The following SPOCK1 variants were observed in gnomAD, a reference collection of about 807,000 sequenced individuals.
The protein encoded by SPOCK1 is testican-1.
In SPOCK1, 23 loss-of-function variants were observed where a neutral mutation model predicts 55.3. That is an observed-to-expected ratio of 0.42 (90% confidence interval 0.30 to 0.59). SPOCK1 has a LOEUF of 0.59. Among genes scored for constraint, SPOCK1 ranks in the 20% least tolerant of loss-of-function variants. SPOCK1 has a pLI of 0.22. For missense variants in SPOCK1, 499 were observed against 552.5 expected, an observed-to-expected ratio of 0.90 and a Z score of 0.97; for synonymous variants, 226 against 221.0, an observed-to-expected ratio of 1.02 and a Z score of -0.20.
intron 2 of SPOCK1, among the ~76,000 whole-genome samples, chr5:137,308,614 C>T (rs1286316973): frequency 6.6e-6 from 1 of 152,200 alleles, no homozygotes; most frequent in Non-Finnish European, 1.5e-5. Context: ...CTGCCTCCTC[C>T]CGTGTGACCC....
intron 5 of SPOCK1, among the ~76,000 whole-genome samples, chr5:137,107,244 A>G (rs186246574): frequency 6.6e-6 from 1 of 152,334 alleles, no homozygotes; most frequent in Admixed American, 6.5e-5. Context: ...AGTATTTAAC[A>G]CAGTGTATGG....
intron 2 of SPOCK1, among the ~76,000 whole-genome samples, chr5:137,437,292 C>G (rs116287623): frequency 0.015 from 2,225 of 152,270 alleles, 58 homozygotes; most frequent in African/African-American, 0.051. Flanking sequence ...ACAGAGATAT[C>G]TCTTCATGAA....
intron 2 of SPOCK1, among the ~76,000 whole-genome samples, chr5:137,438,859 C>T (rs1260031810): frequency 1.3e-5 from 2 of 152,102 alleles, no homozygotes; most frequent in East Asian, 3.8e-4. Flanking sequence ...TTAAGTTTTC[C>T]AAGTCAAGTC....
chr5:137,258,656 T>C (rs1259037266), intron 3 of SPOCK1, among the ~76,000 whole-genome samples: 1 of 152,160 alleles, frequency 6.6e-6, no homozygotes, highest in Admixed American at 6.5e-5. Flanking sequence ...TTCTAGCAGG[T>C]GGATTAACAG....
intron 2 of SPOCK1, among the ~76,000 whole-genome samples, chr5:137,446,790 C>T (rs1428926438): frequency 2.0e-5 from 3 of 152,190 alleles, no homozygotes; most frequent in Non-Finnish European, 2.9e-5. Context: ...AAACCCTATA[C>T]TCATTAAACT....
chr5:137,339,804 G>A (rs929764747), intron 2 of SPOCK1, among the ~76,000 whole-genome samples: 12 of 152,156 alleles, frequency 7.9e-5, no homozygotes, highest in African/African-American at 2.9e-4. Context: ...CTGATTCACT[G>A]TAGACTATAG....
intron 3 of SPOCK1, among the ~76,000 whole-genome samples, chr5:137,168,952 T>C (rs1754698089): frequency 6.6e-6 from 1 of 152,150 alleles, no homozygotes; most frequent in Admixed American, 6.6e-5. Flanking sequence ...AACCTAAGTG[T>C]CTATCGACAG....
At chr5:137,082,477 G>A (rs945219899) in intron 5 of SPOCK1, among the ~76,000 whole-genome samples, 15 of 152,088 alleles carry the variant, frequency 9.9e-5, no homozygotes, top group African/African-American at 3.6e-4. Context: ...AGTCAAGAGG[G>A]GTGAGAACAC....
intron 6 of SPOCK1, among the ~76,000 whole-genome samples, chr5:137,066,646 G>A (rs1752509381): frequency 6.6e-6 from 1 of 152,124 alleles, no homozygotes; most frequent in Non-Finnish European, 1.5e-5. Context: ...TTTTCTTACT[G>A]CATTTATAAC....
At chr5:137,085,292 T>C (rs1226954320) in intron 5 of SPOCK1, among the ~76,000 whole-genome samples, 2 of 152,122 alleles carry the variant, frequency 1.3e-5, no homozygotes, top group Non-Finnish European at 2.9e-5. Flanking sequence ...AGGACCTCTA[T>C]GTTACTAGAA....
intron 3 of SPOCK1, among the ~76,000 whole-genome samples, chr5:137,191,654 G>A (rs1031931615): frequency 1.1e-4 from 16 of 152,142 alleles, no homozygotes; most frequent in African/African-American, 3.4e-4. Flanking sequence ...GGCCCATCAG[G>A]TAAAACAGGC....
intron 3 of SPOCK1, among the ~76,000 whole-genome samples, chr5:137,160,530 A>T (rs1754509432): frequency 1.6e-5 from 1 of 60,654 alleles, no homozygotes; most frequent in Non-Finnish European, 3.0e-5. Context: ...TATAATATAT[A>T]AAAATATATA....
intron 6 of SPOCK1, among the ~76,000 whole-genome samples, chr5:137,021,843 T>A (rs537795609): frequency 3.3e-5 from 5 of 152,254 alleles, no homozygotes; most frequent in African/African-American, 1.2e-4. Flanking sequence ...TACCCATATG[T>A]TTCACTGAGA....
intron 2 of SPOCK1, among the ~76,000 whole-genome samples, chr5:137,322,421 C>CT (rs1726342937): frequency 6.6e-6 from 1 of 151,222 alleles, no homozygotes; most frequent in Admixed American, 6.6e-5. Context: ...TTGTAATACT[C>CT]TAACAATGGT....
chr5:137,450,022 T>A (rs1193012034), intron 2 of SPOCK1, among the ~76,000 whole-genome samples: 1 of 151,370 alleles, frequency 6.6e-6, no homozygotes, highest in African/African-American at 2.4e-5. Context: ...AAAAAAACTC[T>A]ATAGAAGAGT....
At chr5:137,410,955 G>A (rs186642245) in intron 2 of SPOCK1, among the ~76,000 whole-genome samples, 2 of 152,340 alleles carry the variant, frequency 1.3e-5, no homozygotes, top group Admixed American at 1.3e-4. Context: ...GGGACCTCAG[G>A]AAAGTTTGTT....
chr5:136,979,487 G>T lies in SPOCK1; in HGVS notation c.992-18C>A. 1.3e-6 allele frequency: 2 copies of T among 1,598,892 alleles called. No individual in the cohort carries two copies. Among genetic ancestry groups the T allele is most frequent in the Non-Finnish European group, 1.7e-6 (2 of 1,174,378 alleles). On this transcript the variant is annotated intron_variant, in intron 9 of 10. Transcript: ENST00000394945. The stretch of plus-strand genomic sequence containing the variant: ...GAAGGCCCCTGGGGGAACAAAAGGT[G>T]CAACTTTAATCAGAGACATGCAGAT...
chr5:137,140,715 AG>A, intron 3 of SPOCK1, 21 bp from the exon 4 acceptor site: 1 of 1,146,488 alleles, frequency 8.7e-7, no homozygotes. Flanking sequence ...AACAAGAAGG[AG>A]GGCAGGGTTT....
intron 2 of SPOCK1, among the ~76,000 whole-genome samples, chr5:137,465,792 T>C (rs539989538): frequency 1.9e-4 from 29 of 152,284 alleles, no homozygotes; most frequent in East Asian, 1.3e-3. Context: ...CACCAAAGAA[T>C]AGAAAAACAG....
Sources: gnomAD v4.1 joint callset for allele counts (sites outside exome capture counted in the v4.1 genomes callset) on GRCh38, gnomAD v4.1.1 for gene constraint, MANE v1.5 for transcripts, NCBI Gene and HGNC (gene_info 2026-07-23, HGNC 2026-07-21) for gene names.